Variants in RAB27B observed in about 807,000 individuals in gnomAD.
RAB27B encodes ras-related protein Rab-27B.
A neutral mutation model predicts 24.6 loss-of-function variants in RAB27B; 15 were observed. That is an observed-to-expected ratio of 0.61 (90% CI 0.41 to 0.94). RAB27B has a LOEUF of 0.94. Among genes scored for constraint, RAB27B ranks in the 40% least tolerant of loss-of-function variants. RAB27B has a pLI of 0.00. For synonymous variants in RAB27B, 105 were observed against 92.5 expected (o/e 1.14, Z -0.78); for missense variants, 261 against 266.8 (o/e 0.98, Z 0.15).
At chr18:54,859,086 T>G (rs1329664226) in intron 1 of RAB27B, among the ~76,000 whole-genome samples, 1 of 152,174 alleles carries the variant, frequency 6.6e-6, no homozygotes, top group Non-Finnish European at 1.5e-5. Context: ...GGAGTAGGCT[T>G]CAGGGCAGTG....
intron 1 of RAB27B, among the ~76,000 whole-genome samples, chr18:54,842,410 T>G (rs1305214689): frequency 6.6e-6 from 1 of 152,222 alleles, no homozygotes; most frequent in Non-Finnish European, 1.5e-5. Context: ...GGTTTTGAAC[T>G]ATTTTTCAGA....
chr18:54,720,870 C>T, intron 2 of RAB27B, among the ~76,000 whole-genome samples: 1 of 152,056 alleles, frequency 6.6e-6, no homozygotes, highest in East Asian at 1.9e-4. Context: ...TGGCCACATA[C>T]ACATGCCACA....
intron 1 of RAB27B, among the ~76,000 whole-genome samples, chr18:54,832,294 A>C (rs1416947417): frequency 6.6e-6 from 1 of 152,194 alleles, no homozygotes; most frequent in Non-Finnish European, 1.5e-5. Flanking sequence ...ATAAAGGTGG[A>C]GGTGAAGAAA....
chr18:54,771,628 G>C (rs1908554863), intron 2 of RAB27B, among the ~76,000 whole-genome samples: 1 of 113,996 alleles, frequency 8.8e-6, no homozygotes, highest in African/African-American at 3.4e-5. Context: ...GTGTGTGTGT[G>C]TGTGTGTGTG....
At chr18:54,868,348 A>G (rs1177059673) in intron 1 of RAB27B, among the ~76,000 whole-genome samples, 4 of 152,036 alleles carry the variant, frequency 2.6e-5, no homozygotes, top group African/African-American at 7.2e-5. Flanking sequence ...GCCTTCCACT[A>G]TGATTGTAAT....
At chr18:54,872,698 A>G (rs1169350287) in intron 1 of RAB27B, among the ~76,000 whole-genome samples, 1 of 152,098 alleles carries the variant, frequency 6.6e-6, no homozygotes, top group East Asian at 1.9e-4. Context: ...GTGAGTCTTT[A>G]ATCTAAATAC....
At chr18:54,862,720 C>T (rs1912055641) in intron 1 of RAB27B, among the ~76,000 whole-genome samples, 1 of 152,104 alleles carries the variant, frequency 6.6e-6, no homozygotes, top group Non-Finnish European at 1.5e-5. Flanking sequence ...AGTGTGGGAC[C>T]CACTGGATTA....
intron 1 of RAB27B, among the ~76,000 whole-genome samples, chr18:54,853,579 A>C (rs1205228330): frequency 6.6e-6 from 1 of 152,178 alleles, no homozygotes; most frequent in Non-Finnish European, 1.5e-5. Flanking sequence ...GTGAAAGGAG[A>C]AATGGAAACT....
At chr18:54,784,237 A>C (rs1007918131) in intron 2 of RAB27B, among the ~76,000 whole-genome samples, 1 of 152,224 alleles carries the variant, frequency 6.6e-6, no homozygotes, top group African/African-American at 2.4e-5. Flanking sequence ...ATAATATCCA[A>C]ATTTCAAATT....
At chr18:54,877,789 A>G (rs754103455) in intron 2 of RAB27B, 51 bp downstream of exon 2, 3 of 1,498,090 alleles carry the variant, frequency 2.0e-6, no homozygotes, top group Non-Finnish European at 2.7e-6. Flanking sequence ...CCTATATAAA[A>G]TAAGAATCAA....
intron 1 of RAB27B, among the ~76,000 whole-genome samples, chr18:54,857,513 G>A (rs1182194021): frequency 6.6e-6 from 1 of 152,202 alleles, no homozygotes; most frequent in African/African-American, 2.4e-5. Flanking sequence ...AATTTGTATT[G>A]TAAATTCTAT....
intron 2 of RAB27B, among the ~76,000 whole-genome samples, chr18:54,765,439 T>C (rs982624127): frequency 2.0e-5 from 3 of 152,222 alleles, no homozygotes; most frequent in Admixed American, 2.0e-4. Context: ...TAACCCAGAA[T>C]GTCCTTCATT....
intron 1 of RAB27B, among the ~76,000 whole-genome samples, chr18:54,833,684 G>A (rs1023856048): frequency 6.6e-6 from 1 of 152,200 alleles, no homozygotes. Context: ...GTTGTCAAGA[G>A]GACCTCTGTG....
At chr18:54,782,108 T>C (rs933139056) in intron 2 of RAB27B, among the ~76,000 whole-genome samples, 1 of 152,244 alleles carries the variant, frequency 6.6e-6, no homozygotes, top group African/African-American at 2.4e-5. Flanking sequence ...TGCCTGGCAA[T>C]AGTTAACATT....
chr18:54,764,241 C>T (rs556702718), intron 2 of RAB27B, among the ~76,000 whole-genome samples: 3 of 152,220 alleles, frequency 2.0e-5, no homozygotes, highest in African/African-American at 7.2e-5. Context: ...GAACACCCAT[C>T]GAACTGGGCT....
chr18:54,757,613 T>C (rs1188422219), intron 2 of RAB27B, among the ~76,000 whole-genome samples: 1 of 152,104 alleles, frequency 6.6e-6, no homozygotes, highest in Non-Finnish European at 1.5e-5. Context: ...ATGAACAAAT[T>C]TGTATAAATT....
chr18:54,766,740 TG>T (rs1451759968), intron 2 of RAB27B, among the ~76,000 whole-genome samples: 1 of 152,192 alleles, frequency 6.6e-6, no homozygotes, highest in Non-Finnish European at 1.5e-5. Context: ...CATACCCCTC[TG>T]GTAGTTTATG....
chr18:54,850,402 CA>C (rs1352457163), intron 1 of RAB27B, among the ~76,000 whole-genome samples: 1 of 137,730 alleles, frequency 7.3e-6, no homozygotes, highest in Non-Finnish European at 1.5e-5. Context: ...GACAGAGTCT[CA>C]CTCTGTCACC....
At chr18:54,793,501 T>G (rs898821100) in intron 2 of RAB27B, among the ~76,000 whole-genome samples, 5 of 152,004 alleles carry the variant, frequency 3.3e-5, no homozygotes, top group Admixed American at 2.0e-4. Flanking sequence ...GAGAGAGAGA[T>G]GTCCTTTTCA....
Sources: gnomAD v4.1 joint callset for allele counts (sites outside exome capture counted in the v4.1 genomes callset) on GRCh38, gnomAD v4.1.1 for gene constraint, MANE v1.5 for transcripts, NCBI Gene and HGNC (gene_info 2026-07-23, HGNC 2026-07-21) for gene names.